GLI3: variants seen among roughly 807,000 people sequenced by gnomAD.
GLI3 encodes transcription activator GLI3.
A neutral mutation model predicts 100.8 loss-of-function variants in GLI3; 20 were observed. The ratio of observed to expected loss-of-function variants is 0.20; its 90% CI spans 0.14 to 0.29. The LOEUF is 0.29. GLI3 is among the 10% of genes least tolerant of loss of function. The probability of loss-of-function intolerance (pLI) is 1.00; values close to 1 mark genes in which losing one functional copy is unlikely to be tolerated. For synonymous variants in GLI3, 938 were observed against 860.5 expected, an observed-to-expected ratio of 1.09 and a Z score of -1.58; for missense variants, 2,040 against 2,128.5, an observed-to-expected ratio of 0.96 and a Z score of 0.82.
chr7:41,989,472 T>A (rs182484086), intron 10 of GLI3, among the ~76,000 whole-genome samples: 5 of 152,314 alleles, frequency 3.3e-5, no homozygotes, highest in Admixed American at 3.3e-4. Flanking sequence ...AAAGTGGCTA[T>A]AAATGCAACC....
intron 10 of GLI3, among the ~76,000 whole-genome samples, chr7:42,008,223 AT>A (rs895961693): frequency 3.3e-5 from 5 of 152,210 alleles, no homozygotes; most frequent in African/African-American, 1.2e-4. Flanking sequence ...CTGGGTAAAC[AT>A]TTTGGACGGG....
At chr7:42,007,609 G>C (rs142192350) in intron 10 of GLI3, among the ~76,000 whole-genome samples, 5 of 152,120 alleles carry the variant, frequency 3.3e-5, no homozygotes, top group Non-Finnish European at 7.3e-5. Context: ...AGAATAAAAT[G>C]TATGTGATAC....
rs1214730213 is a variant in GLI3, at chr7:41,966,217, G to A, written c.2856C>T (p.Ser952=). The change falls in exon 15 of 15, where the codon AGC becomes AGT. Residue 952 remains serine (S), a synonymous_variant. Transcript: ENST00000395925. This position sits in a 1 kb window ranked among gnomAD's most constrained non-coding sequence, Gnocchi z 5.8. Reference sequence around the variant, plus strand: ...CGAGCAGCGCCAGGCGCGTCTTCAGGCTCATCCTCTCCATGTTGGGCAGGG... The same window carrying A: ...CGAGCAGCGCCAGGCGCGTCTTCAGACTCATCCTCTCCATGTTGGGCAGGG... The part of the protein sequence containing the change: ...PTPLPNMERM[S]LKTRLALLGD... 1.9e-6 allele frequency: 3 copies of A among 1,608,420 alleles called. No individual in the cohort carries two copies. The Admixed American group carries it at 5.0e-5, about 27-fold the overall frequency.
At chr7:42,086,864 C>T (rs993026226) in intron 3 of GLI3, among the ~76,000 whole-genome samples, 1 of 152,200 alleles carries the variant, frequency 6.6e-6, no homozygotes, top group South Asian at 2.1e-4. Flanking sequence ...ATCCTCAGTG[C>T]GCTTCCTCAG....
intron 3 of GLI3, among the ~76,000 whole-genome samples, chr7:42,120,471 A>G (rs924300637): frequency 1.3e-5 from 2 of 152,236 alleles, no homozygotes; most frequent in African/African-American, 2.4e-5. Flanking sequence ...GCAGAGATTT[A>G]TAAGTACAAA....
chr7:42,033,857 G>C lies in GLI3; in HGVS notation c.1028+6181C>G, dbSNP rs541681586. Among the ~76,000 whole-genome samples, 202 of 152,284 alleles carry C rather than the reference G, an allele frequency of 1.3e-3. 2 individuals are homozygous for C. Among genetic ancestry groups the C allele is most frequent in the African/African-American group, 4.5e-3 (187 of 41,550 alleles). The stretch of plus-strand genomic sequence containing the variant: ...CCACTTCCATCTATAAAAGTTTCCA[G>C]GGCAAGTTTATTGGAAACCCAGCCC... On this transcript the variant is annotated intron_variant, in intron 7 of 14. Transcript: ENST00000395925.
intron 10 of GLI3, among the ~76,000 whole-genome samples, chr7:41,981,352 G>A (rs1263360618): frequency 6.6e-6 from 1 of 152,226 alleles, no homozygotes; most frequent in Non-Finnish European, 1.5e-5. Context: ...CAGCAGTGAG[G>A]ATGTGGGAAA....
chr7:42,121,453 C>T (rs377007913), intron 3 of GLI3, among the ~76,000 whole-genome samples: 1 of 152,174 alleles, frequency 6.6e-6, no homozygotes, highest in South Asian at 2.1e-4. Context: ...ACTGCCCCTG[C>T]CCCCAAAATA....
chr7:42,039,077 A>C (rs1784077719), intron 7 of GLI3, among the ~76,000 whole-genome samples: 1 of 152,236 alleles, frequency 6.6e-6, no homozygotes, highest in Non-Finnish European at 1.5e-5. Flanking sequence ...CTGAATTCTT[A>C]AATTATTGGC....
At chr7:42,259,058 T>G (rs1789113615) in intron 1 of GLI3, among the ~76,000 whole-genome samples, 1 of 152,220 alleles carries the variant, frequency 6.6e-6, no homozygotes, top group African/African-American at 2.4e-5. Context: ...ACCACCTTGG[T>G]CACCTGTTAA....
intron 1 of GLI3, among the ~76,000 whole-genome samples, chr7:42,232,861 C>T (rs564773735): frequency 5.9e-5 from 9 of 152,060 alleles, no homozygotes; most frequent in African/African-American, 1.7e-4. Context: ...GACATTTTGT[C>T]GGGTTGAAAT....
chr7:42,256,988 C>T (rs970046378), intron 1 of GLI3, among the ~76,000 whole-genome samples: 1 of 152,030 alleles, frequency 6.6e-6, no homozygotes, highest in African/African-American at 2.4e-5. Context: ...ACATGTCTTG[C>T]ATATTACTTG....
At chr7:42,117,966 T>C (rs989229495) in intron 3 of GLI3, among the ~76,000 whole-genome samples, 30 of 152,146 alleles carry the variant, frequency 2.0e-4, no homozygotes, top group African/African-American at 6.8e-4. Context: ...GACGGTAAAA[T>C]TCATTATCTA....
chr7:42,218,675 G>C (rs924616753), intron 2 of GLI3, among the ~76,000 whole-genome samples: 3 of 152,044 alleles, frequency 2.0e-5, no homozygotes, highest in East Asian at 1.9e-4. Context: ...GAATCAAAGT[G>C]AACAGGGAAC....
intron 4 of GLI3, among the ~76,000 whole-genome samples, chr7:42,070,163 C>G (rs1373943607): frequency 6.6e-6 from 1 of 152,242 alleles, no homozygotes; most frequent in Non-Finnish European, 1.5e-5. Context: ...CCAAACCACT[C>G]CAGTGGCTGA....
chr7:42,043,878 C>T (rs1784192173), intron 6 of GLI3, among the ~76,000 whole-genome samples: 1 of 152,056 alleles, frequency 6.6e-6, no homozygotes, highest in African/African-American at 2.4e-5. Flanking sequence ...AATAACACAA[C>T]TTTTTTTTCA....
rs769100742 is a variant in GLI3 at position 41,965,963 on chromosome 7, G to C, written c.3110C>G (p.Thr1037Arg). 5.6e-6 allele frequency: 9 copies of C among 1,609,826 alleles called. No homozygotes were observed. The highest frequency in any genetic ancestry group is 1.7e-5 in the Admixed American group (1 of 60,014). Residue 1037 changes from threonine (T) to arginine (R), a missense_variant, in exon 15 of 15, where the codon ACG becomes AGG. Transcript: ENST00000395925. ...CACGAGACTGCGCTTCTCCGCGGAC[G>C]TGGCCATCGCCGGGGGGTTGCAGCT... ...LSSCNPPAMA[T>R]SAEKRSLVLQ...
chr7:42,021,897 T>G (rs1788953191), intron 10 of GLI3, among the ~76,000 whole-genome samples: 1 of 152,210 alleles, frequency 6.6e-6, no homozygotes, highest in Admixed American at 6.5e-5. Flanking sequence ...TGGGAGTATT[T>G]CCCCATAATA....
intron 3 of GLI3, among the ~76,000 whole-genome samples, chr7:42,124,998 A>G (rs991878228): frequency 6.6e-6 from 1 of 152,218 alleles, no homozygotes; most frequent in Non-Finnish European, 1.5e-5. Context: ...AAAGAACTCA[A>G]CAATCCCTTC....
Sources: allele counts gnomAD v4.1 joint callset (sites outside exome capture counted in the v4.1 genomes callset), GRCh38; gene constraint gnomAD v4.1.1; non-coding constraint Gnocchi (gnomAD v3.1); transcripts MANE v1.5; gene names NCBI Gene and HGNC (gene_info 2026-07-23, HGNC 2026-07-21).